Variants in LOC122539214 observed in about 807,000 individuals in gnomAD.
the LOC122539214 span, among the ~76,000 whole-genome samples, chr19:52,687,995 C>A: frequency 3.3e-5 from 5 of 151,996 alleles, no homozygotes; most frequent in African/African-American, 1.2e-4. Context: ...AAGCTAACCT[C>A]TGATGCCAAG....
the LOC122539214 span, among the ~76,000 whole-genome samples, chr19:52,687,216 G>A: frequency 6.8e-6 from 1 of 147,332 alleles, no homozygotes; most frequent in Non-Finnish European, 1.5e-5. Context: ...TAGGCCAGGC[G>A]CAGTGCCTCA....
At chr19:52,688,854 C>T in the LOC122539214 span, among the ~76,000 whole-genome samples, 2 of 151,374 alleles carry the variant, frequency 1.3e-5, no homozygotes, top group African/African-American at 4.9e-5. Flanking sequence ...GCCTGTCAAG[C>T]TCACATCAAG....
chr19:52,676,145 T>G, the LOC122539214 span, among the ~76,000 whole-genome samples: 1 of 152,154 alleles, frequency 6.6e-6, no homozygotes, highest in Non-Finnish European at 1.5e-5. Flanking sequence ...CACGCCTGAC[T>G]GGTTTTCGTA....
the LOC122539214 span, among the ~76,000 whole-genome samples, chr19:52,680,767 T>C: frequency 0.72 from 97,709 of 135,176 alleles, 35,016 homozygotes; most frequent in African/African-American, 0.83. Flanking sequence ...CGCCCGCCAC[T>C]ACGCCCGGCT....
the LOC122539214 span, among the ~76,000 whole-genome samples, chr19:52,662,186 C>A: frequency 8.5e-5 from 13 of 152,200 alleles, no homozygotes; most frequent in African/African-American, 2.9e-4. Context: ...TAAATTACAA[C>A]ATTTACAAAT....
chr19:52,653,150 G>GT, the LOC122539214 span: 5 of 1,480,610 alleles, frequency 3.4e-6, no homozygotes, highest in Middle Eastern at 3.5e-4. Flanking sequence ...CAGTTGTAAG[G>GT]TTTTTCTCCG....
At chr19:52,652,592 C>T in the LOC122539214 span, 3 of 435,366 alleles carry the variant, frequency 6.9e-6, no homozygotes, top group African/African-American at 6.1e-5. Flanking sequence ...CACTGATGAA[C>T]TGCAAGCTAT....
At chr19:52,676,105 T>C in the LOC122539214 span, among the ~76,000 whole-genome samples, 81,225 of 151,926 alleles carry the variant, frequency 0.53, 21,945 homozygotes, top group African/African-American at 0.62. Flanking sequence ...CTCAGCCTGC[T>C]GAGTGCCTGC....
the LOC122539214 span, among the ~76,000 whole-genome samples, chr19:52,657,770 C>T: frequency 4.0e-5 from 6 of 151,594 alleles, no homozygotes; most frequent in African/African-American, 1.5e-4. Context: ...TCGCTTGAAC[C>T]TGGGAGGTGG....
chr19:52,666,713 A>G, the LOC122539214 span, among the ~76,000 whole-genome samples: 1 of 151,972 alleles, frequency 6.6e-6, no homozygotes, highest in Non-Finnish European at 1.5e-5. Flanking sequence ...ATGATTTAAC[A>G]TTAACCACTG....
At chr19:52,667,507 T>C in the LOC122539214 span, among the ~76,000 whole-genome samples, 1 of 152,188 alleles carries the variant, frequency 6.6e-6, no homozygotes, top group East Asian at 1.9e-4. Context: ...GTAAGGAAAG[T>C]AAAATATACT....
At chr19:52,680,374 A>G in the LOC122539214 span, among the ~76,000 whole-genome samples, 1 of 151,836 alleles carries the variant, frequency 6.6e-6, no homozygotes, top group African/African-American at 2.4e-5. Flanking sequence ...AGGCATTTCC[A>G]CTCCTCCAAA....
chr19:52,666,814 C>G, the LOC122539214 span, among the ~76,000 whole-genome samples: 1 of 152,136 alleles, frequency 6.6e-6, no homozygotes, highest in Admixed American at 6.5e-5. Context: ...AGGAGGAACT[C>G]CCTTCCAGAC....
At chr19:52,678,749 G>T in the LOC122539214 span, among the ~76,000 whole-genome samples, 1 of 152,052 alleles carries the variant, frequency 6.6e-6, no homozygotes, top group Non-Finnish European at 1.5e-5. Context: ...CAAGGTGGGT[G>T]TATCACCTGA....
the LOC122539214 span, among the ~76,000 whole-genome samples, chr19:52,687,077 AG>A: frequency 6.6e-5 from 10 of 151,462 alleles, no homozygotes; most frequent in Non-Finnish European, 1.3e-4. Context: ...ACTACTCAGG[AG>A]GCTAAGGCAG....
At chr19:52,655,408 T>C in the LOC122539214 span, 1 of 751,010 alleles carries the variant, frequency 1.3e-6, no homozygotes, top group Non-Finnish European at 2.2e-6. Context: ...TAAGAAGCTG[T>C]CTATGACAGA....
At chr19:52,669,410 C>A in the LOC122539214 span, among the ~76,000 whole-genome samples, 5 of 152,156 alleles carry the variant, frequency 3.3e-5, no homozygotes, top group Non-Finnish European at 7.3e-5. Context: ...TCTATGACAA[C>A]CAACAGCTAT....
the LOC122539214 span, among the ~76,000 whole-genome samples, chr19:52,687,845 T>A: frequency 6.7e-6 from 1 of 149,798 alleles, no homozygotes; most frequent in African/African-American, 2.5e-5. Context: ...TTAATTAAAT[T>A]AAAAGTATTG....
At chr19:52,683,827 C>A in the LOC122539214 span, among the ~76,000 whole-genome samples, 1 of 152,158 alleles carries the variant, frequency 6.6e-6, no homozygotes, top group African/African-American at 2.4e-5. Context: ...CCGAGGACAC[C>A]TCAGCATCTA....
Sources: allele counts gnomAD v4.1 joint callset (sites outside exome capture counted in the v4.1 genomes callset), GRCh38; gene constraint gnomAD v4.1.1; transcripts MANE v1.5.